PPP1R9A: variants seen among roughly 807,000 people sequenced by gnomAD.
PPP1R9A encodes protein phosphatase 1 regulatory subunit 9A.
PPP1R9A carries 59 observed loss-of-function variants against 141.9 expected under a neutral mutation model. The observed-to-expected ratio is 0.42, with a 90% confidence interval of 0.34 to 0.52. The LOEUF (loss-of-function observed/expected upper bound fraction) is 0.52, where lower values mean the gene tolerates loss of function less well. Among genes scored for constraint, PPP1R9A ranks in the 20% least tolerant of loss-of-function variants. PPP1R9A has a pLI of 0.10. For synonymous variants in PPP1R9A, 500 were observed against 569.7 expected (o/e 0.88, Z 1.74); for missense variants, 1,444 against 1,611.9 (o/e 0.90, Z 1.78).
intron 8 of PPP1R9A, among the ~76,000 whole-genome samples, chr7:95,246,657 G>C (rs74740085): frequency 0.071 from 10,797 of 152,132 alleles, 920 homozygotes; most frequent in African/African-American, 0.2. Flanking sequence ...AAAACATCTG[G>C]CCCCAAGGAT....
intron 2 of PPP1R9A, among the ~76,000 whole-genome samples, chr7:94,931,762 G>A (rs964966785): frequency 1.3e-5 from 2 of 152,134 alleles, no homozygotes; most frequent in African/African-American, 4.8e-5. Flanking sequence ...ATTTTTAGTA[G>A]AGACAGGGTT....
At chr7:95,236,098 T>G (rs1041629975) in intron 8 of PPP1R9A, among the ~76,000 whole-genome samples, 28 of 152,160 alleles carry the variant, frequency 1.8e-4, no homozygotes, top group Non-Finnish European at 1.2e-4. Context: ...AAGAATTTTT[T>G]AATGTAACCA....
In PPP1R9A at chr7:95,291,343, A is replaced by G. The variant is rs927718096; in HGVS notation, c.*1040A>G. The G allele has an allele frequency of 1.3e-5, 2 of 152,224 alleles. No homozygotes were observed. The highest frequency in any genetic ancestry group is 4.8e-5 in the African/African-American group (2 of 41,458). The allele number at this position is 152,224 out of a possible 1,614,324, so 9.4% of individuals were successfully genotyped here. A position where few individuals can be genotyped will look rare whatever the true frequency, so the allele number is the denominator to read the frequency against. On this transcript the variant is annotated 3_prime_UTR_variant, in exon 20 of 20. Transcript: ENST00000433360. ...GTGGGCTCAGTTAGTATTTTAACAAATGTACTTTTAAGAAAAATAGAAATA... is the reference window on the plus strand; with the variant it reads ...GTGGGCTCAGTTAGTATTTTAACAAGTGTACTTTTAAGAAAAATAGAAATA...
intron 2 of PPP1R9A, among the ~76,000 whole-genome samples, 169 bp from the exon 3 acceptor site, chr7:95,111,090 C>T (rs1295426303): frequency 1.3e-5 from 2 of 152,080 alleles, no homozygotes; most frequent in Non-Finnish European, 2.9e-5. Context: ...TAGTAAGTTA[C>T]TTTTATACTG....
intron 11 of PPP1R9A, 33 bp downstream of exon 11, chr7:95,251,891 A>C: frequency 6.2e-7 from 1 of 1,611,098 alleles, no homozygotes; most frequent in Non-Finnish European, 8.5e-7. Flanking sequence ...CTAAATAATA[A>C]GATGGTTTTG....
chr7:95,040,211 CTT>C (rs1040662285), intron 2 of PPP1R9A, among the ~76,000 whole-genome samples: 1 of 151,896 alleles, frequency 6.6e-6, no homozygotes, highest in African/African-American at 2.4e-5. Context: ...GACCTAATAA[CTT>C]CTCTCTCTCC....
chr7:95,076,583 T>TC (rs1814895805), intron 2 of PPP1R9A, among the ~76,000 whole-genome samples: 1 of 152,112 alleles, frequency 6.6e-6, no homozygotes, highest in Admixed American at 6.5e-5. Flanking sequence ...CTAGCTGCTC[T>TC]CCCCCAATAC....
At chr7:95,205,606 C>T (rs1790618868) in intron 7 of PPP1R9A, among the ~76,000 whole-genome samples, 2 of 152,106 alleles carry the variant, frequency 1.3e-5, no homozygotes, top group South Asian at 4.1e-4. Context: ...CATCGGGATC[C>T]CCTGGATTTT....
At chr7:94,942,673 G>A (rs957708501) in intron 2 of PPP1R9A, among the ~76,000 whole-genome samples, 2 of 151,860 alleles carry the variant, frequency 1.3e-5, no homozygotes, top group Non-Finnish European at 2.9e-5. Context: ...GCATGGTGGC[G>A]GGCACCTGTA....
chr7:94,958,921 T>C (rs1252284363), intron 2 of PPP1R9A, among the ~76,000 whole-genome samples: 1 of 152,020 alleles, frequency 6.6e-6, no homozygotes, highest in Non-Finnish European at 1.5e-5. Flanking sequence ...TTTGCTGATT[T>C]CAAAGTTTGG....
intron 2 of PPP1R9A, among the ~76,000 whole-genome samples, chr7:95,016,292 A>G (rs572597210): frequency 2.0e-5 from 3 of 152,302 alleles, no homozygotes; most frequent in African/African-American, 7.2e-5. Flanking sequence ...TACTACAGAC[A>G]TTAAAAGGAT....
At position 94,911,500 on chromosome 7, in the gene PPP1R9A, C is replaced by A; in HGVS notation, c.1387C>A (p.Pro463Thr). 6.2e-7 allele frequency: 1 copy of A among 1,602,594 alleles called. No individual in the cohort carries two copies. Among genetic ancestry groups the A allele is most frequent in the South Asian group, 1.1e-5 (1 of 90,712 alleles). The change falls in exon 2 of 20, where the codon CCT (proline) becomes ACT (threonine). Residue 463 changes from proline to threonine, a missense_variant. Pro to Thr is a conservative substitution (Grantham distance 38). Coordinates refer to ENST00000433360, the MANE Select transcript of PPP1R9A (RefSeq NM_001166160.2). ...TAGGAAAATTAAGTTTAGTAGTGCTCCTATTAAGGTAAGTGTGTTTTCTCC... is the reference window on the plus strand; with the variant it reads ...TAGGAAAATTAAGTTTAGTAGTGCTACTATTAAGGTAAGTGTGTTTTCTCC... ...ANRKIKFSSAPIKVFNTYSNE... is the reference protein window; with the variant it reads ...ANRKIKFSSATIKVFNTYSNE...
At chr7:95,231,107 A>G (rs1277156064) in intron 8 of PPP1R9A, among the ~76,000 whole-genome samples, 1 of 152,180 alleles carries the variant, frequency 6.6e-6, no homozygotes, top group Non-Finnish European at 1.5e-5. Flanking sequence ...AGGAGTAGCT[A>G]TTCTTAGACA....
At chr7:95,149,780 C>T (rs1262638073) in intron 4 of PPP1R9A, among the ~76,000 whole-genome samples, 2 of 107,956 alleles carry the variant, frequency 1.9e-5, no homozygotes, top group African/African-American at 5.5e-5. Context: ...CAGTTCTTCC[C>T]TACTTAATCT....
intron 7 of PPP1R9A, among the ~76,000 whole-genome samples, chr7:95,205,108 A>G (rs542589048): frequency 6.6e-6 from 1 of 152,266 alleles, no homozygotes; most frequent in Admixed American, 6.5e-5. Context: ...ATATATGGAG[A>G]TGTTATTTTT....
chr7:95,283,103 C>G (rs1365304782), intron 16 of PPP1R9A, among the ~76,000 whole-genome samples: 1 of 152,092 alleles, frequency 6.6e-6, no homozygotes, highest in Non-Finnish European at 1.5e-5. Context: ...GCAAGGGTGA[C>G]CTCTTCCAAG....
chr7:95,019,873 A>G (rs887670021), intron 2 of PPP1R9A, among the ~76,000 whole-genome samples: 1 of 152,188 alleles, frequency 6.6e-6, no homozygotes, highest in Admixed American at 6.5e-5. Flanking sequence ...AGAGAAATGA[A>G]AACATGTGCC....
At chr7:95,123,183 ATTAT>A (rs1445408979) in intron 4 of PPP1R9A, among the ~76,000 whole-genome samples, 1 of 152,184 alleles carries the variant, frequency 6.6e-6, no homozygotes, top group African/African-American at 2.4e-5. Flanking sequence ...CTATTTACTA[ATTAT>A]TTATTCTTCT....
intron 16 of PPP1R9A, among the ~76,000 whole-genome samples, chr7:95,275,361 T>C (rs2153059924): frequency 7.1e-6 from 1 of 141,460 alleles, no homozygotes; most frequent in South Asian, 2.2e-4. Flanking sequence ...TGAGCCAAGA[T>C]CGCACCACTG....
Sources: gnomAD v4.1 joint callset for allele counts (sites outside exome capture counted in the v4.1 genomes callset) on GRCh38, gnomAD v4.1.1 for gene constraint, MANE v1.5 for transcripts, NCBI Gene and HGNC (gene_info 2026-07-23, HGNC 2026-07-21) for gene names.